Variants in PARS2 observed in about 807,000 individuals in gnomAD.
PARS2 encodes probable proline--tRNA ligase, mitochondrial.
A neutral mutation model predicts 27.4 loss-of-function variants in PARS2; 20 were observed. The ratio of observed to expected loss-of-function variants is 0.73; its 90% CI spans 0.51 to 1.06. The LOEUF (loss-of-function observed/expected upper bound fraction) is 1.06, where lower values mean the gene tolerates loss of function less well. PARS2 is among the 50% of genes least tolerant of loss of function. PARS2 has a pLI of 0.00. For missense variants in PARS2, 585 were observed against 602.1 expected, an observed-to-expected ratio of 0.97 and a Z score of 0.30; for synonymous variants, 240 against 247.1, an observed-to-expected ratio of 0.97 and a Z score of 0.27.
At chr1:54,759,557 A>G (rs1646142236) in intron 1 of PARS2, among the ~76,000 whole-genome samples, 1 of 152,186 alleles carries the variant, frequency 6.6e-6, no homozygotes, top group African/African-American at 2.4e-5. Flanking sequence ...CTTCATCTGT[A>G]AAATGGTAAT....
intron 1 of PARS2, among the ~76,000 whole-genome samples, chr1:54,762,197 G>A (rs1175156209): frequency 1.3e-5 from 2 of 150,732 alleles, no homozygotes; most frequent in African/African-American, 4.9e-5. Flanking sequence ...GAGTGCAGTG[G>A]TGCAATGTCA....
chr1:54,760,316 C>T (rs760338728), intron 1 of PARS2, among the ~76,000 whole-genome samples: 4 of 152,194 alleles, frequency 2.6e-5, no homozygotes, highest in Admixed American at 6.5e-5. Context: ...CCTACTCCCC[C>T]TCCAGCACTG....
intron 1 of PARS2, among the ~76,000 whole-genome samples, chr1:54,760,972 G>T (rs1359031197): frequency 6.6e-6 from 1 of 152,162 alleles, no homozygotes; most frequent in Non-Finnish European, 1.5e-5. Context: ...TAGAGACGGG[G>T]TTTCACCGTG....
chr1:54,757,784 G>A lies in PARS2; in HGVS notation c.1378C>T (p.Leu460Phe), dbSNP rs1221902088. 1 of 1,613,966 alleles carries A rather than the reference G, an allele frequency of 6.2e-7. No homozygotes were observed. Among genetic ancestry groups the A allele is most frequent in the African/African-American group, 1.3e-5 (1 of 75,042 alleles). Residue 460 changes from leucine (L) to phenylalanine (F), a missense_variant, in exon 2 of 2, where the codon CTC (leucine) becomes TTC (phenylalanine). By Grantham distance (22) the Leu-to-Phe change is conservative. Coordinates refer to ENST00000371279, the MANE Select transcript of PARS2 (RefSeq NM_152268.4). ...AAATCCATGACTCCATCTTTGGTGA[G>A]GAAGGCCACCTCACCAGTGTTCTGA... ...WCQNTGEVAF[L>F]TKDGVMDLLT...
chr1:54,762,288 G>A (rs1042200198), intron 1 of PARS2, among the ~76,000 whole-genome samples: 2 of 152,148 alleles, frequency 1.3e-5, no homozygotes, highest in South Asian at 2.1e-4. Context: ...ACAGGCATGT[G>A]CCACCATGCC....
intron 1 of PARS2, among the ~76,000 whole-genome samples, chr1:54,763,416 G>T (rs192834862): frequency 6.6e-6 from 1 of 152,158 alleles, no homozygotes; most frequent in Non-Finnish European, 1.5e-5. Context: ...ACAAGTTTAT[G>T]AAGTTTTATA....
intron 1 of PARS2, among the ~76,000 whole-genome samples, chr1:54,762,093 T>C (rs112613136): frequency 2.3e-3 from 355 of 151,886 alleles, no homozygotes; most frequent in African/African-American, 8.3e-3. Context: ...AGTTACCCAG[T>C]GGTTCTGAAA....
In PARS2 at chr1:54,758,814, T is replaced by C. The variant is rs753658351; in HGVS notation, c.348A>G (p.Lys116=). The C allele has an allele frequency of 1.2e-6, 2 of 1,613,914 alleles. No individual in the cohort carries two copies. Among genetic ancestry groups the C allele is most frequent in the African/African-American group, 2.7e-5 (2 of 74,870 alleles). ...CCGGGCTGAGGCTGGGCATGTTGACTTTCTGGCCCCCGATGGCCTGCATCT... is the reference window on the plus strand; with the variant it reads ...CCGGGCTGAGGCTGGGCATGTTGACCTTCTGGCCCCCGATGGCCTGCATCT... ...DQEMQAIGGQ[K]VNMPSLSPAE... The change falls in exon 2 of 2, where the codon AAA becomes AAG. Residue 116 remains lysine, a synonymous_variant. Transcript: ENST00000371279.
chr1:54,757,749 T>G lies in PARS2; in HGVS notation c.1413A>C (p.Pro471=). Residue 471 remains proline (P), a synonymous_variant, in exon 2 of 2, where the codon CCA becomes CCC. Transcript: ENST00000371279. ...CTGGGGGCATTTAGACAGTCTGCAC[T>G]GGGGTCAGTAAATCCATGACTCCAT... is the stretch of plus-strand genomic sequence containing the variant. ...TKDGVMDLLT[P]VQTV is the part of the protein sequence containing the mutation. The G allele has an allele frequency of 6.2e-7, 1 of 1,610,564 alleles. No homozygotes were observed. Among genetic ancestry groups the G allele is most frequent in the Non-Finnish European group, 8.5e-7 (1 of 1,177,870 alleles).
intron 1 of PARS2, among the ~76,000 whole-genome samples, chr1:54,759,987 C>T (rs1646146909): frequency 1.3e-5 from 2 of 151,502 alleles, no homozygotes; most frequent in African/African-American, 2.4e-5. Flanking sequence ...CTGGGTAACA[C>T]AGTGAGACTC....
chr1:54,762,519 T>C (rs1646163368), intron 1 of PARS2, among the ~76,000 whole-genome samples: 1 of 152,208 alleles, frequency 6.6e-6, no homozygotes, highest in Non-Finnish European at 1.5e-5. Context: ...GCAGAGAACC[T>C]GTATTTCTAA....
Position 54,758,624 on chromosome 1 carries a change from G to C in PARS2, c.538C>G (p.Leu180Val), listed in dbSNP as rs775325245. The change falls in exon 2 of 2, where the codon CTG (leucine) becomes GTG (valine). Residue 180 changes from leucine (L) to valine (V), a missense_variant. By Grantham distance (32) the Leu-to-Val change is conservative. Coordinates refer to ENST00000371279, the MANE Select transcript of PARS2 (RefSeq NM_152268.4). The part of the protein sequence containing the change: ...KKLSYKQLPF[L>V]LYQVTRKFRD... ...AACTTCCTTGTCACTTGGTACAGCA[G>C]GAAGGGAAGCTGCTTGTAGGACAGT... The C allele has an allele frequency of 1.2e-6, 2 of 1,614,242 alleles. No individual in the cohort carries two copies. The highest frequency in any genetic ancestry group is 1.7e-6 in the Non-Finnish European group (2 of 1,180,042).
Position 54,758,070 on chromosome 1 carries a change from G to A in PARS2, c.1092C>T (p.Pro364=). 1.2e-6 allele frequency: 2 copies of A among 1,613,882 alleles called. No individual in the cohort carries two copies. The highest frequency in any genetic ancestry group is 8.5e-7 in the Non-Finnish European group (1 of 1,179,868). Residue 364 remains proline (P), a synonymous_variant, in exon 2 of 2, where the codon CCC becomes CCT. Transcript: ENST00000371279. The part of the protein sequence containing the change: ...VLSTEDCVRW[P]SLLAPYQACL... ...AGGCTTGGTAAGGGGCCAGTAGGCT[G>A]GGCCAGCGGACACAGTCTTCTGTAG...
chr1:54,758,516 G>GGGA lies in PARS2; in HGVS notation c.643_645dup (p.Ser215dup). On this transcript the variant is annotated inframe_insertion, in exon 2 of 2. Coordinates refer to ENST00000371279, the MANE Select transcript of PARS2 (RefSeq NM_152268.4). ...CTGTAGGTCTGCTGGGCAGCCTCTGGGGAGGAGTCAAAGGTGTACATATCC... is the reference window on the plus strand; with the variant it reads ...CTGTAGGTCTGCTGGGCAGCCTCTGGGGAGGAGGAGTCAAAGGTGTACATATCC... 1 of 1,614,156 alleles carries GGGA rather than the reference G, an allele frequency of 6.2e-7. No individual in the cohort carries two copies. The highest frequency in any genetic ancestry group is 8.5e-7 in the Non-Finnish European group (1 of 1,180,036).
Position 54,759,082 on chromosome 1 carries a change from C to A in PARS2, c.80G>T (p.Cys27Phe). ...CSRQLSGYVP[C>F]RFHHCAPRRG... ...TCTTGGGGCACAGTGGTGAAACCTG[C>A]AAGGAACATACCCAGAGAGCTGGCG... Residue 27 changes from cysteine (C) to phenylalanine (F), a missense_variant, in exon 2 of 2, where the codon TGC becomes TTC. Coordinates refer to ENST00000371279, the MANE Select transcript of PARS2 (RefSeq NM_152268.4). 1 of 1,614,096 alleles carries A rather than the reference C, an allele frequency of 6.2e-7. No homozygotes were observed. Among genetic ancestry groups the A allele is most frequent in the Non-Finnish European group, 8.5e-7 (1 of 1,180,012 alleles).
At position 54,759,040 on chromosome 1, in the gene PARS2, A is replaced by T; in HGVS notation, c.122T>A (p.Leu41Gln). 1 of 1,614,126 alleles carries T rather than the reference A, an allele frequency of 6.2e-7. No individual in the cohort carries two copies. Among genetic ancestry groups the T allele is most frequent in the Non-Finnish European group, 8.5e-7 (1 of 1,179,996 alleles). ...CTGTGGCTGGAACACACGAGACAGC[A>T]GCAGGCGCCGCCCTCTTCTTGGGGC... ...HCAPRRGRRL[L>Q]LSRVFQPQNL... Residue 41 changes from leucine (L) to glutamine (Q), a missense_variant, in exon 2 of 2, where the codon CTG becomes CAG. By Grantham distance (113) the Leu-to-Gln change is moderately radical (BLOSUM62 -2). Transcript: ENST00000371279.
chr1:54,759,200 A>T lies in PARS2; in HGVS notation c.-29-10T>A. On this transcript the variant is annotated splice_polypyrimidine_tract_variant and intron_variant, in intron 1 of 1. Coordinates refer to ENST00000371279, the MANE Select transcript of PARS2 (RefSeq NM_152268.4). Reference sequence around the variant, plus strand: ...CGGGAAGCACAGGCACCTGAGGAAAAATGAGTTGTGTGAGAATGAGCCTCA... The same window carrying T: ...CGGGAAGCACAGGCACCTGAGGAAATATGAGTTGTGTGAGAATGAGCCTCA... 1 of 1,494,534 alleles carries T rather than the reference A, an allele frequency of 6.7e-7. No individual in the cohort carries two copies. Among genetic ancestry groups the T allele is most frequent in the Non-Finnish European group, 9.1e-7 (1 of 1,104,406 alleles). The allele number at this position is 1,494,534 out of a possible 1,614,324, so 92.6% of individuals were successfully genotyped here.
Position 54,758,427 on chromosome 1 carries a change from C to A in PARS2, c.735G>T (p.Gln245His), listed in dbSNP as rs1304405205. 1.9e-6 allele frequency: 3 copies of A among 1,613,982 alleles called. No homozygotes were observed. The highest frequency in any genetic ancestry group is 2.5e-6 in the Non-Finnish European group (3 of 1,179,974). The change falls in exon 2 of 2, where the codon CAG (glutamine) becomes CAT (histidine). Residue 245 changes from glutamine to histidine, a missense_variant. Physicochemically the swap from Gln to His is conservative, Grantham distance 24 (BLOSUM62 0). Coordinates refer to ENST00000371279, the MANE Select transcript of PARS2 (RefSeq NM_152268.4). ...TGCCCCCGATGGTGCCCACATCGGC[C>A]TGGACCTTGACAAATGGCAGCCCTA... ...NKLGLPFVKV[Q>H]ADVGTIGGTV...
intron 1 of PARS2, among the ~76,000 whole-genome samples, chr1:54,760,115 C>T (rs979857655): frequency 1.6e-4 from 25 of 152,140 alleles, no homozygotes; most frequent in African/African-American, 5.8e-4. Context: ...TTTGCACATC[C>T]CTCTCTTGTT....
Sources: allele counts gnomAD v4.1 joint callset (sites outside exome capture counted in the v4.1 genomes callset), GRCh38; gene constraint gnomAD v4.1.1; transcripts MANE v1.5; gene names NCBI Gene and HGNC (gene_info 2026-07-23, HGNC 2026-07-21).